Variants in CASD1 observed in about 807,000 individuals in gnomAD.
CASD1 encodes N-acetylneuraminate (7)9-O-acetyltransferase.
CASD1 carries 41 observed loss-of-function variants against 100.0 expected under a neutral mutation model. The observed-to-expected ratio is 0.41, with a 90% confidence interval of 0.32 to 0.53. The LOEUF (loss-of-function observed/expected upper bound fraction) is 0.53. Ranked by LOEUF, CASD1 falls within the 20% of genes least tolerant of loss-of-function variation. CASD1 has a pLI of 0.25. For synonymous variants in CASD1, 321 were observed against 315.6 expected (o/e 1.02, Z -0.18); for missense variants, 774 against 948.7 (o/e 0.82, Z 2.42).
the CASD1 span, chr7:94,587,391 C>T: frequency 1.8e-6 from 2 of 1,098,666 alleles, no homozygotes; most frequent in East Asian, 5.3e-5. Flanking sequence ...CTGCTTCCTA[C>T]TCACTCCATG....
chr7:94,575,304 A>G, the CASD1 span, among the ~76,000 whole-genome samples: 1 of 152,104 alleles, frequency 6.6e-6, no homozygotes, highest in Non-Finnish European at 1.5e-5. Flanking sequence ...TTCATTATTT[A>G]CCCAAAAGTC....
the CASD1 span, chr7:94,585,589 A>T: frequency 2.1e-6 from 2 of 949,536 alleles, no homozygotes; most frequent in Non-Finnish European, 3.5e-6. Context: ...AGCAAAGCAA[A>T]TTATGGCAAG....
Position 94,545,643 on chromosome 7 carries a change from C to A in CASD1, c.1575C>A (p.Phe525Leu). 1 of 1,610,594 alleles carries A rather than the reference C, an allele frequency of 6.2e-7. No individual in the cohort carries two copies. Among genetic ancestry groups the A allele is most frequent in the Non-Finnish European group, 8.5e-7 (1 of 1,177,562 alleles). The change falls in exon 12 of 18, where the codon TTC (phenylalanine) becomes TTA (leucine). Residue 525 changes from phenylalanine (F) to leucine (L), a missense_variant. Transcript: ENST00000297273. ...YYFVPLVTVW[F>L]MVIYVTLALW... ...TTGTCCCCTTGGTCACTGTATGGTT[C>A]ATGGTCATATATGTTACTTTAGCAC...
the CASD1 span, among the ~76,000 whole-genome samples, chr7:94,577,424 A>G: frequency 3.6e-3 from 542 of 152,200 alleles, 8 homozygotes; most frequent in Admixed American, 0.03. Flanking sequence ...TTAAACAGAT[A>G]TTTTCTTACA....
the CASD1 span, among the ~76,000 whole-genome samples, chr7:94,583,827 CA>C: frequency 6.6e-6 from 1 of 152,128 alleles, no homozygotes; most frequent in Non-Finnish European, 1.5e-5. Flanking sequence ...TAGCAGTCCT[CA>C]GCATGTGGCA....
chr7:94,603,124 C>T, the CASD1 span, among the ~76,000 whole-genome samples: 3 of 152,230 alleles, frequency 2.0e-5, no homozygotes, highest in African/African-American at 4.8e-5. Context: ...CTTTCCTAAA[C>T]GGATGCACTG....
the CASD1 span, chr7:94,621,760 C>A: frequency 1.3e-5 from 2 of 152,152 alleles, no homozygotes; most frequent in African/African-American, 4.8e-5. Context: ...TATTCCAATT[C>A]TACAGGGCCA....
the CASD1 span, chr7:94,597,477 T>C: frequency 6.6e-6 from 1 of 152,176 alleles, no homozygotes. Flanking sequence ...GGGAAAAATG[T>C]ACCCAGCAGA....
At chr7:94,615,365 AATAGATAGATAGATAG>A in the CASD1 span, among the ~76,000 whole-genome samples, 4,731 of 142,290 alleles carry the variant, frequency 0.033, 81 homozygotes, top group South Asian at 0.062. Context: ...TCTCAAAATA[AATAGATAGATAGATAG>A]ATAGATAGAT....
At chr7:94,575,759 T>G in the CASD1 span, among the ~76,000 whole-genome samples, 3 of 149,856 alleles carry the variant, frequency 2.0e-5, no homozygotes, top group South Asian at 2.1e-4. Context: ...ATATAAAATC[T>G]TTGGTTGATG....
In CASD1 at chr7:94,554,495, A is replaced by G; in HGVS notation, c.2047A>G (p.Ile683Val). The change falls in exon 17 of 18, where the codon ATC becomes GTC. Residue 683 changes from isoleucine (I) to valine (V), a missense_variant. Physicochemically the swap from Ile to Val is conservative, Grantham distance 29. Transcript: ENST00000297273. ...GCTTTTTCTTTAGATTTTAGCCTTC[A>G]TCCTAATAAGAAACATCCCTGGATA... ...SVSVVQILAF[I>V]LIRNIPGYAR... is the part of the protein sequence containing the mutation. The G allele has an allele frequency of 6.2e-7, 1 of 1,608,570 alleles. No homozygotes were observed. The highest frequency in any genetic ancestry group is 1.7e-4 in the Middle Eastern group (1 of 6,030).
At chr7:94,554,762 G>T (rs551737605) in intron 17 of CASD1, among the ~76,000 whole-genome samples, 187 bp downstream of exon 17, 4 of 151,968 alleles carry the variant, frequency 2.6e-5, no homozygotes, top group Non-Finnish European at 5.9e-5. Context: ...AAAGTATTTT[G>T]GAATGTTTTT....
the CASD1 span, among the ~76,000 whole-genome samples, chr7:94,562,117 T>A: frequency 2.6e-5 from 4 of 152,178 alleles, no homozygotes; most frequent in Non-Finnish European, 5.9e-5. Flanking sequence ...TTGCACCTCT[T>A]GTAAACAGTT....
downstream of CASD1, among the ~76,000 whole-genome samples, chr7:94,557,425 TAGAGA>T (rs1267578100): frequency 2.0e-5 from 3 of 152,098 alleles, no homozygotes; most frequent in Non-Finnish European, 2.9e-5. Context: ...GCCTTATAAG[TAGAGA>T]ATAGTATAGT....
At chr7:94,531,183 G>GAGGGA (rs1267454159) in intron 5 of CASD1, among the ~76,000 whole-genome samples, 1 of 152,098 alleles carries the variant, frequency 6.6e-6, no homozygotes, top group Admixed American at 6.6e-5. Flanking sequence ...CTTTTAGGTT[G>GAGGGA]AGGGAAGGAA....
At chr7:94,580,046 T>G in the CASD1 span, among the ~76,000 whole-genome samples, 1 of 152,176 alleles carries the variant, frequency 6.6e-6, no homozygotes, top group Non-Finnish European at 1.5e-5. Flanking sequence ...ACCTCCTAAA[T>G]AGCTCTTGAA....
chr7:94,534,013 C>T (rs1794983298), intron 7 of CASD1, among the ~76,000 whole-genome samples: 1 of 151,890 alleles, frequency 6.6e-6, no homozygotes, highest in Non-Finnish European at 1.5e-5. Flanking sequence ...AAAAAATATC[C>T]TCCAAGAAAC....
At chr7:94,598,278 T>G in the CASD1 span, 1 of 180,648 alleles carries the variant, frequency 5.5e-6, no homozygotes, top group South Asian at 1.2e-4. Context: ...ATAAAATAGG[T>G]GTTTATAGTC....
chr7:94,577,192 T>C, the CASD1 span, among the ~76,000 whole-genome samples: 1 of 152,204 alleles, frequency 6.6e-6, no homozygotes, highest in African/African-American at 2.4e-5. Context: ...GTATGGACCA[T>C]GCTTTCTTGA....
Sources: allele counts gnomAD v4.1 joint callset (sites outside exome capture counted in the v4.1 genomes callset), GRCh38; gene constraint gnomAD v4.1.1; transcripts MANE v1.5; gene names NCBI Gene and HGNC (gene_info 2026-07-23, HGNC 2026-07-21).